CALN1: variants seen among roughly 807,000 people sequenced by gnomAD.
CALN1 encodes the protein calneuron 1.
A neutral mutation model predicts 30.6 loss-of-function variants in CALN1; 17 were observed. The ratio of observed to expected loss-of-function variants is 0.56; its 90% confidence interval spans 0.38 to 0.83. The LOEUF is 0.83. CALN1 is among the 40% of genes least tolerant of loss of function. CALN1 has a pLI of 0.00. For missense variants in CALN1, 291 were observed against 354.9 expected (o/e 0.82, Z 1.45); for synonymous variants, 156 against 131.4 (o/e 1.19, Z -1.28).
chr7:71,812,588 G>A (rs1294498267), intron 5 of CALN1, among the ~76,000 whole-genome samples: 1 of 152,130 alleles, frequency 6.6e-6, no homozygotes, highest in Non-Finnish European at 1.5e-5. Context: ...AAAGAGATGA[G>A]CTCAGGAAAG....
intron 5 of CALN1, among the ~76,000 whole-genome samples, chr7:71,902,225 AAACCAACC>A (rs374649403): frequency 8.5e-4 from 123 of 144,966 alleles, no homozygotes; most frequent in East Asian, 3.6e-3. Flanking sequence ...CTCCGTCTCA[AAACCAACC>A]AACCAACCAA....
chr7:72,390,830 T>C (rs1805534019), intron 2 of CALN1, among the ~76,000 whole-genome samples: 1 of 152,268 alleles, frequency 6.6e-6, no homozygotes, highest in Admixed American at 6.5e-5. Context: ...TTGTTCTGTT[T>C]AGTATTTTTG....
chr7:72,163,511 A>C (rs950333500), intron 3 of CALN1, among the ~76,000 whole-genome samples: 4 of 152,168 alleles, frequency 2.6e-5, no homozygotes, highest in African/African-American at 9.6e-5. Context: ...AAGAGGAATT[A>C]AAATGAAGTT....
At chr7:72,207,918 A>G (rs1288913570) in intron 3 of CALN1, among the ~76,000 whole-genome samples, 3 of 152,206 alleles carry the variant, frequency 2.0e-5, no homozygotes, top group African/African-American at 4.8e-5. Flanking sequence ...ATTGGTTTTC[A>G]AAGTTTTTAA....
At chr7:72,280,712 T>C (rs548750) in intron 2 of CALN1, among the ~76,000 whole-genome samples, 1,702 of 152,260 alleles carry the variant, frequency 0.011, 29 homozygotes, top group African/African-American at 0.038. Flanking sequence ...CCCCAAAATT[T>C]TGTGTGTCAG....
At chr7:72,297,214 T>G (rs1204954004) in intron 2 of CALN1, among the ~76,000 whole-genome samples, 1 of 152,168 alleles carries the variant, frequency 6.6e-6, no homozygotes, top group African/African-American at 2.4e-5. Flanking sequence ...AAAAGTTTTG[T>G]TATTTAAATG....
chr7:72,268,697 C>T (rs1041499083), intron 3 of CALN1, among the ~76,000 whole-genome samples: 5 of 151,290 alleles, frequency 3.3e-5, no homozygotes, highest in East Asian at 3.9e-4. Flanking sequence ...CTCGGGAGGC[C>T]GAGGCAGGAG....
chr7:72,325,125 C>A (rs1230080245), intron 2 of CALN1, among the ~76,000 whole-genome samples: 3 of 151,890 alleles, frequency 2.0e-5, no homozygotes, highest in Non-Finnish European at 2.9e-5. Context: ...CATGGTGAAA[C>A]CCCGTCTCTA....
chr7:71,831,472 C>T (rs377605554), intron 5 of CALN1, among the ~76,000 whole-genome samples: 2 of 151,792 alleles, frequency 1.3e-5, no homozygotes, highest in African/African-American at 4.8e-5. Flanking sequence ...AGAGCAAGAC[C>T]CTGTCTCAAA....
chr7:71,797,600 G>C (rs1562787317), intron 6 of CALN1, among the ~76,000 whole-genome samples: 2 of 152,102 alleles, frequency 1.3e-5, no homozygotes, highest in Non-Finnish European at 2.9e-5. Flanking sequence ...TTGTGGGGCT[G>C]GGAGCTGGTC....
chr7:72,049,601 A>C (rs1486198671), intron 4 of CALN1, among the ~76,000 whole-genome samples: 1 of 152,092 alleles, frequency 6.6e-6, no homozygotes, highest in Admixed American at 6.5e-5. Flanking sequence ...CCTGCCTCCC[A>C]GGTTCAAGCG....
At chr7:71,971,503 G>A (rs1013173857) in intron 5 of CALN1, among the ~76,000 whole-genome samples, 2 of 151,978 alleles carry the variant, frequency 1.3e-5, no homozygotes, top group Non-Finnish European at 2.9e-5. Flanking sequence ...TGAGACCCTT[G>A]TATGTGCAAA....
intron 3 of CALN1, among the ~76,000 whole-genome samples, chr7:72,216,917 ATTTT>A (rs34994592): frequency 6.6e-6 from 1 of 151,510 alleles, no homozygotes; most frequent in Non-Finnish European, 1.5e-5. Flanking sequence ...ACACCCACTG[ATTTT>A]TTTTAAGAGA....
chr7:72,447,714 C>T (rs116911527), upstream of CALN1, among the ~76,000 whole-genome samples: 561 of 151,652 alleles, frequency 3.7e-3, 38 homozygotes, highest in East Asian at 0.1. Flanking sequence ...TGCCCATGCA[C>T]GCACACACAC....
chr7:71,978,737 T>C (rs1798236423), intron 5 of CALN1, among the ~76,000 whole-genome samples: 1 of 152,196 alleles, frequency 6.6e-6, no homozygotes, highest in Non-Finnish European at 1.5e-5. Flanking sequence ...CTGCAGTTTA[T>C]CCCAGAGTCA....
intron 3 of CALN1, among the ~76,000 whole-genome samples, chr7:72,238,791 T>C (rs1379108039): frequency 6.6e-6 from 1 of 152,224 alleles, no homozygotes; most frequent in Non-Finnish European, 1.5e-5. Flanking sequence ...CTCAGCCCTG[T>C]AGAACTGTAA....
At chr7:71,896,258 T>C (rs1168802701) in intron 5 of CALN1, among the ~76,000 whole-genome samples, 1 of 152,214 alleles carries the variant, frequency 6.6e-6, no homozygotes, top group Admixed American at 6.5e-5. Flanking sequence ...TCATACATAA[T>C]ACAAATATCT....
intron 5 of CALN1, among the ~76,000 whole-genome samples, chr7:71,850,953 C>T (rs1014241659): frequency 1.3e-5 from 2 of 152,068 alleles, no homozygotes; most frequent in African/African-American, 4.8e-5. Flanking sequence ...TGGCTCATGC[C>T]TCTAATCCCA....
intron 2 of CALN1, among the ~76,000 whole-genome samples, chr7:72,395,860 G>A (rs1294795277): frequency 2.0e-5 from 3 of 152,092 alleles, no homozygotes; most frequent in East Asian, 3.9e-4. Context: ...ACCTTGGCAG[G>A]GATGTCAGGG....
Sources: allele counts gnomAD v4.1 joint callset (sites outside exome capture counted in the v4.1 genomes callset), GRCh38; gene constraint gnomAD v4.1.1; transcripts MANE v1.5; gene names NCBI Gene and HGNC (gene_info 2026-07-23, HGNC 2026-07-21).